RSL1D1: variants seen among roughly 807,000 people sequenced by gnomAD.
The protein encoded by RSL1D1 is ribosomal L1 domain containing 1.
Under a neutral mutation model 44.6 loss-of-function variants are expected in RSL1D1, and 34 were observed. That is an observed-to-expected ratio of 0.76 (90% CI 0.58 to 1.02). The LOEUF (loss-of-function observed/expected upper bound fraction) is 1.02. Among genes scored for constraint, RSL1D1 ranks in the 50% least tolerant of loss-of-function variants. The pLI is 0.00. For synonymous variants in RSL1D1, 271 were observed against 207.4 expected (o/e 1.31, Z -2.63); for missense variants, 767 against 568.1 (o/e 1.35, Z -3.56).
intron 5 of RSL1D1, among the ~76,000 whole-genome samples, chr16:11,842,330 GA>G (rs201023553): frequency 2.1e-5 from 3 of 139,766 alleles, no homozygotes; most frequent in African/African-American, 7.9e-5. Context: ...AACACAGTCT[GA>G]AAAAAAAAAC....
chr16:11,843,785 G>A (rs910908788), intron 5 of RSL1D1, among the ~76,000 whole-genome samples: 1 of 149,112 alleles, frequency 6.7e-6, no homozygotes, highest in Admixed American at 6.8e-5. Flanking sequence ...GCAGAAGAAT[G>A]GTGTGAACCC....
At position 11,847,670 on chromosome 16, in the gene RSL1D1, G is replaced by A. The variant is rs1239106212; in HGVS notation, c.382C>T (p.Gln128Ter). ...AAAATATTAACCAGGCTTCCTACCT[G>A]AGAAACGGTTTTAATTCCATGCTTG... ...LNKHGIKTVS[Q>*]IISLQTLKKE... Residue 128 changes from glutamine to a stop codon, truncating the protein, a stop_gained and splice_region_variant, in exon 3 of 9, where the codon CAG (glutamine) becomes TAG (stop). Transcript: ENST00000571133. LOFTEE classifies it high-confidence loss of function. 1.2e-6 allele frequency: 2 copies of A among 1,606,228 alleles called. No homozygotes were observed. The highest frequency in any genetic ancestry group is 1.3e-5 in the African/African-American group (1 of 74,528).
rs1271634023 is a variant in RSL1D1, at chr16:11,839,887, T to C, written c.954A>G (p.Lys318=). Residue 318 remains lysine (K), a synonymous_variant, in exon 8 of 9, where the codon AAA becomes AAG. Coordinates refer to ENST00000571133, the MANE Select transcript of RSL1D1 (RefSeq NM_015659.3). ...QARKTASVLS[K]DDVAPESGDT... is the part of the protein sequence containing the mutation. ...CACCACTTTCAGGTGCCACATCATC[T>C]TTACTAAGAACTGATGCAGTCTTCC... The C allele has an allele frequency of 6.2e-7, 1 of 1,614,178 alleles. No homozygotes were observed. Among genetic ancestry groups the C allele is most frequent in the Non-Finnish European group, 8.5e-7 (1 of 1,180,034 alleles).
intron 8 of RSL1D1, among the ~76,000 whole-genome samples, chr16:11,838,693 C>T (rs2053739611): frequency 6.6e-6 from 1 of 150,616 alleles, no homozygotes; most frequent in Admixed American, 6.6e-5. Context: ...CCCATCTCTA[C>T]TAAAAATACA....
At chr16:11,839,381 CAAAA>C (rs35893843) in intron 8 of RSL1D1, among the ~76,000 whole-genome samples, 7 of 116,612 alleles carry the variant, frequency 6.0e-5, no homozygotes, top group Non-Finnish European at 1.1e-4. Flanking sequence ...AAAAGCAAAG[CAAAA>C]AAAAAAAAAA....
Position 11,839,963 on chromosome 16 carries a change from T to A in RSL1D1, c.878A>T (p.Glu293Val), listed in dbSNP as rs2053753396. ...KKKEARRKRRERNFEKQKERK... is the reference protein window; with the variant it reads ...KKKEARRKRRVRNFEKQKERK... ...CTCCTTTTGTTTTTCAAAATTTCTTTCTCTTCGTTTTCTCCTTGCCTCCTA... is the reference window on the plus strand; with the variant it reads ...CTCCTTTTGTTTTTCAAAATTTCTTACTCTTCGTTTTCTCCTTGCCTCCTA... The change falls in exon 8 of 9, where the codon GAA becomes GTA. Residue 293 changes from glutamate to valine, a missense_variant. Transcript: ENST00000571133. The A allele has an allele frequency of 6.2e-7, 1 of 1,612,522 alleles. No homozygotes were observed. The highest frequency in any genetic ancestry group is 1.3e-5 in the African/African-American group (1 of 74,844).
At chr16:11,838,160 T>C in intron 8 of RSL1D1, 47 bp from the exon 9 acceptor site, 1 of 1,402,810 alleles carries the variant, frequency 7.1e-7, no homozygotes, top group Non-Finnish European at 9.7e-7. Flanking sequence ...CCACAAAACC[T>C]GACACTCTAA....
intron 1 of RSL1D1, 91 bp from the exon 2 acceptor site, chr16:11,850,509 C>T: frequency 3.0e-6 from 4 of 1,312,898 alleles, no homozygotes; most frequent in South Asian, 1.4e-5. Context: ...TTAGCATTTG[C>T]CCCCTCCCAC....
At position 11,846,688 on chromosome 16, in the gene RSL1D1, AACTT is replaced by A. The variant is rs995114278; in HGVS notation, c.533+3_533+6del. The A allele has an allele frequency of 6.2e-7, 1 of 1,613,776 alleles. No individual in the cohort carries two copies. Among genetic ancestry groups the A allele is most frequent in the African/African-American group, 1.3e-5 (1 of 74,994 alleles). ...TGCTAAAGTCCAGTCATTACTAAGA[AACTT>A]ACTTCTTTCTTTGATAGAAATGTCT... On this transcript the variant is annotated splice_donor_5th_base_variant and intron_variant, in intron 4 of 8. Transcript: ENST00000571133.
In RSL1D1 at chr16:11,836,552, A is replaced by C. The variant is rs182408953; in HGVS notation, c.*1235T>G. On this transcript the variant is annotated 3_prime_UTR_variant, in exon 9 of 9. Transcript: ENST00000571133. ...GGAAACGTTAGCAATCTACTCTTCCAAGATTCCTTGGAGTTGTCATACATA... is the reference window on the plus strand; with the variant it reads ...GGAAACGTTAGCAATCTACTCTTCCCAGATTCCTTGGAGTTGTCATACATA... 1 of 152,340 alleles carries C rather than the reference A, an allele frequency of 6.6e-6. No individual in the cohort carries two copies. Among genetic ancestry groups the C allele is most frequent in the Admixed American group, 6.5e-5 (1 of 15,284 alleles). The allele number at this position is 152,340 out of a possible 1,614,324, so 9.4% of individuals were successfully genotyped here.
intron 3 of RSL1D1, 108 bp downstream of exon 3, chr16:11,847,560 G>C (rs908734016): frequency 4.1e-6 from 4 of 976,346 alleles, no homozygotes; most frequent in African/African-American, 3.3e-5. Flanking sequence ...AAATTAAAAA[G>C]AGAAAAGTAG....
chr16:11,847,006 C>T (rs2053803873), intron 3 of RSL1D1, among the ~76,000 whole-genome samples, 163 bp from the exon 4 acceptor site: 1 of 152,168 alleles, frequency 6.6e-6, no homozygotes, highest in Admixed American at 6.6e-5. Flanking sequence ...CACTACGCTA[C>T]ATGCTGGGAA....
chr16:11,837,912 C>CT lies in RSL1D1; in HGVS notation c.1347dup (p.Asp450ArgfsTer18), dbSNP rs1367236050. 3.1e-6 allele frequency: 5 copies of CT among 1,613,990 alleles called. No homozygotes were observed. Among genetic ancestry groups the CT allele is most frequent in the Non-Finnish European group, 4.2e-6 (5 of 1,180,006 alleles). On this transcript the variant is annotated frameshift_variant, in exon 9 of 9. Transcript: ENST00000571133. LOFTEE classifies it low-confidence loss of function (END_TRUNC). The stretch of plus-strand genomic sequence containing the variant: ...GGCTTTTTTGGAGTCTGTCTCGCAT[C>CT]TTTTTTCCCCAGCGAAGGACTTTTT...
At chr16:11,848,870 T>C (rs999132755) in intron 2 of RSL1D1, among the ~76,000 whole-genome samples, 2 of 151,026 alleles carry the variant, frequency 1.3e-5, no homozygotes, top group Non-Finnish European at 2.9e-5. Flanking sequence ...CTCTGCCTCC[T>C]GGGTTCAAAT....
chr16:11,846,582 A>G lies in RSL1D1; in HGVS notation c.554T>C (p.Leu185Pro). The change falls in exon 5 of 9, where the codon CTT (leucine) becomes CCT (proline). Residue 185 changes from leucine (L) to proline (P), a missense_variant. Leu to Pro is a moderately conservative substitution (Grantham distance 98, BLOSUM62 -3). Coordinates refer to ENST00000571133, the MANE Select transcript of RSL1D1 (RefSeq NM_015659.3). ...CTCTCTTGATAAATTCTTGGACAGA[A>G]GGTTTACAGATACTGGAACTCTACA... ...QRKKVPVSVN[L>P]LSKNLSREIN... 1.2e-6 allele frequency: 2 copies of G among 1,609,426 alleles called. No homozygotes were observed. Among genetic ancestry groups the G allele is most frequent in the Non-Finnish European group, 8.5e-7 (1 of 1,176,954 alleles).
In RSL1D1 at chr16:11,838,128, A is replaced by G. The variant is rs750973084; in HGVS notation, c.1147-15T>C. On this transcript the variant is annotated splice_polypyrimidine_tract_variant and intron_variant, in intron 8 of 8. Coordinates refer to ENST00000571133, the MANE Select transcript of RSL1D1 (RefSeq NM_015659.3). ...TGTTTTTGAATCTAAGAAAAAAAAA[A>G]GTAAGTTTAATATAGAAAAAGCCAC... 1.4e-5 allele frequency: 21 copies of G among 1,551,830 alleles called. No homozygotes were observed. Among genetic ancestry groups the G allele is most frequent in the Middle Eastern group, 1.8e-4 (1 of 5,680 alleles).
At chr16:11,848,157 G>A (rs1434319332) in intron 2 of RSL1D1, among the ~76,000 whole-genome samples, 1 of 152,136 alleles carries the variant, frequency 6.6e-6, no homozygotes, top group Non-Finnish European at 1.5e-5. Flanking sequence ...AGAGTCTGAG[G>A]CAGGATAATC....
rs1447809967 is a variant in RSL1D1 at position 11,842,120 on chromosome 16, T to C, written c.636-120A>G. ...AGTTTTTCTTTTTCTTTTAAAAAGG[T>C]AGAAATATTAATCCCGGGCAACATG... On this transcript the variant is annotated intron_variant, in intron 5 of 8. Transcript: ENST00000571133. The C allele has an allele frequency of 1.2e-5, 9 of 745,946 alleles. No individual in the cohort carries two copies. In the African/African-American group the frequency reaches 1.4e-4, roughly 12 times the overall value. The allele number at this position is 745,946 out of a possible 1,614,324, so 46.2% of individuals were successfully genotyped here.
intron 7 of RSL1D1, 66 bp downstream of exon 7, chr16:11,841,629 T>G: frequency 6.9e-7 from 1 of 1,459,610 alleles, no homozygotes; most frequent in Admixed American, 2.0e-5. Context: ...ATGGTCTACT[T>G]CTCTCCTAGT....
Sources: gnomAD v4.1 joint callset for allele counts (sites outside exome capture counted in the v4.1 genomes callset) on GRCh38, gnomAD v4.1.1 for gene constraint, MANE v1.5 for transcripts, NCBI Gene and HGNC (gene_info 2026-07-23, HGNC 2026-07-21) for gene names.